Variants in NLGN4X observed in about 807,000 individuals in gnomAD.
NLGN4X encodes neuroligin-4, X-linked.
A neutral mutation model predicts 40.3 loss-of-function variants in NLGN4X; 3 were observed. That is an observed-to-expected ratio of 0.07 (90% CI 0.03 to 0.19). NLGN4X has a LOEUF of 0.19. NLGN4X is among the 10% of genes least tolerant of loss of function. The pLI is 1.00. For synonymous variants in NLGN4X, 270 were observed against 306.8 expected, an observed-to-expected ratio of 0.88 and a Z score of 1.25; for missense variants, 382 against 708.3, an observed-to-expected ratio of 0.54 and a Z score of 5.23.
At chrX:6,218,924 A>T (rs1352058099) in intron 1 of NLGN4X, among the ~76,000 whole-genome samples, 1 of 111,421 alleles carries the variant, frequency 9.0e-6, no homozygotes, top group Non-Finnish European at 1.9e-5. Context: ...GAGGCAAATG[A>T]TATATGGTTT....
Position 5,890,277 on chromosome X carries a change from T to C in NLGN4X, c.*2540A>G. ...CATTTTTTTTCTTTTTTCTCTTTTT[T>C]ATAGATAGCAAGTATATTTTTTCTC... On this transcript the variant is annotated 3_prime_UTR_variant, in exon 6 of 6. Coordinates refer to ENST00000381095, the MANE Select transcript of NLGN4X (RefSeq NM_181332.3). 1 of 172,596 alleles carries C rather than the reference T, an allele frequency of 5.8e-6. No homozygotes were observed. Among genetic ancestry groups the C allele is most frequent in the Non-Finnish European group, 1.1e-5 (1 of 93,325 alleles). 14.2% of individuals were successfully genotyped at this position (172,596 alleles called of 1,213,427 possible).
chrX:6,063,139 C>G (rs2037813595), intron 2 of NLGN4X, among the ~76,000 whole-genome samples: 1 of 111,504 alleles, frequency 9.0e-6, no homozygotes, highest in African/African-American at 3.3e-5. Flanking sequence ...TCCACTTATC[C>G]TCTTCTAGTT....
chrX:6,029,054 T>C (rs776480349), intron 3 of NLGN4X, among the ~76,000 whole-genome samples: 4 of 112,655 alleles, frequency 3.6e-5, no homozygotes, highest in African/African-American at 1.3e-4. Context: ...TTTCATTTCA[T>C]CTTTAAGATC....
intron 3 of NLGN4X, among the ~76,000 whole-genome samples, chrX:6,015,847 T>G (rs2036382563): frequency 1.8e-5 from 2 of 111,925 alleles, no homozygotes; most frequent in Admixed American, 1.9e-4. Context: ...TGGACAAGCC[T>G]GCTTAAACAT....
chrX:5,913,169 C>T (rs2032595860), intron 3 of NLGN4X, among the ~76,000 whole-genome samples: 1 of 111,358 alleles, frequency 9.0e-6, no homozygotes, highest in South Asian at 3.8e-4. Context: ...TTAAAAAATT[C>T]TAATGGTGTG....
intron 3 of NLGN4X, among the ~76,000 whole-genome samples, chrX:5,926,301 A>G (rs1281399802): frequency 9.1e-6 from 1 of 110,198 alleles, no homozygotes; most frequent in African/African-American, 3.3e-5. Flanking sequence ...TCTTTCCTTA[A>G]TAAATTACCT....
At chrX:6,096,113 A>G (rs1004894523) in intron 2 of NLGN4X, among the ~76,000 whole-genome samples, 2 of 111,747 alleles carry the variant, frequency 1.8e-5, no homozygotes, top group African/African-American at 6.6e-5. Context: ...TGAAGAAGTT[A>G]TGTTTCAGAG....
chrX:5,900,010 TG>T (rs1350852875), intron 5 of NLGN4X, among the ~76,000 whole-genome samples: 1 of 112,331 alleles, frequency 8.9e-6, no homozygotes, highest in African/African-American at 3.2e-5. Flanking sequence ...ATAGCCATGT[TG>T]GGAAACTCTC....
In NLGN4X at chrX:6,049,466, T is replaced by C. The variant is rs187170422; in HGVS notation, c.473-20034A>G. On this transcript the variant is annotated intron_variant, in intron 2 of 5. Coordinates refer to ENST00000381095, the MANE Select transcript of NLGN4X (RefSeq NM_181332.3). The stretch of plus-strand genomic sequence containing the variant: ...TGTTAAAATAAACCACATATTTCTT[T>C]AGCCTCCACATAGGTTAGCTACTTT... Among the ~76,000 whole-genome samples, 133 of 108,827 alleles carry C rather than the reference T, an allele frequency of 1.2e-3. 2 individuals are homozygous for C. Among genetic ancestry groups the C allele is most frequent in the African/African-American group, 4.4e-3 (131 of 30,050 alleles). The allele number at this position is 108,827 out of a possible 115,157, so 94.5% of individuals were successfully genotyped here.
intron 2 of NLGN4X, among the ~76,000 whole-genome samples, chrX:6,109,682 A>G (rs1246566721): frequency 2.7e-5 from 3 of 112,178 alleles, no homozygotes; most frequent in South Asian, 7.4e-4. Flanking sequence ...TAGCTGCAGA[A>G]GTCAGACATG....
chrX:6,100,852 T>C (rs972943807), intron 2 of NLGN4X, among the ~76,000 whole-genome samples: 6 of 111,536 alleles, frequency 5.4e-5, no homozygotes, highest in African/African-American at 2.0e-4. Flanking sequence ...GATAAATATA[T>C]ATACGATAAA....
rs181451147 is a variant in NLGN4X, at chrX:6,208,265, G to A, written c.-306+20276C>T. Among the ~76,000 whole-genome samples, 291 of 112,090 alleles carry A rather than the reference G, an allele frequency of 2.6e-3. 1 individual carries two copies. Among genetic ancestry groups the A allele is most frequent in the Non-Finnish European group, 4.7e-3 (250 of 53,185 alleles). ...TGGAACATGATTTTGCCCAATTTTAGATAAGCTAGCTGCATTTCGTTCTGC... is the reference window on the plus strand; with the variant it reads ...TGGAACATGATTTTGCCCAATTTTAAATAAGCTAGCTGCATTTCGTTCTGC... On this transcript the variant is annotated intron_variant, in intron 1 of 5. Transcript: ENST00000381095.
At chrX:6,144,595 C>T (rs770001638) in intron 2 of NLGN4X, among the ~76,000 whole-genome samples, 22 of 111,502 alleles carry the variant, frequency 2.0e-4, no homozygotes, top group African/African-American at 7.2e-4. Context: ...CTTCTAGAGA[C>T]TGCCACCTGC....
At chrX:5,944,912 G>A (rs943211092) in intron 3 of NLGN4X, among the ~76,000 whole-genome samples, 7 of 111,348 alleles carry the variant, frequency 6.3e-5, no homozygotes, top group Non-Finnish European at 1.1e-4. Flanking sequence ...ATGCTTTGTC[G>A]TGTAAACTAT....
chrX:5,941,180 GGTGT>G (rs3220455), intron 3 of NLGN4X, among the ~76,000 whole-genome samples: 1,299 of 58,574 alleles, frequency 0.022, 51 homozygotes, highest in East Asian at 0.03. Flanking sequence ...TATGCTAGGG[GGTGT>G]GTGTGTGTGT....
At chrX:6,041,478 C>G (rs2037154649) in intron 2 of NLGN4X, among the ~76,000 whole-genome samples, 1 of 111,761 alleles carries the variant, frequency 8.9e-6, no homozygotes, top group Non-Finnish European at 1.9e-5. Flanking sequence ...TCTGCAAAGC[C>G]CATATGCTCC....
intron 1 of NLGN4X, among the ~76,000 whole-genome samples, chrX:6,192,354 C>T (rs756484892): frequency 9.0e-6 from 1 of 111,336 alleles, no homozygotes; most frequent in Non-Finnish European, 1.9e-5. Context: ...TCTCGAACTC[C>T]TGAACCCAAG....
In NLGN4X at chrX:6,042,189, G is replaced by C. The variant is rs1256888607; in HGVS notation, c.473-12757C>G. 6.3e-5 allele frequency among the ~76,000 whole-genome samples: 7 copies of C among 111,759 alleles called. No homozygotes were observed. In the Admixed American group the frequency reaches 6.7e-4, roughly 11 times the overall value. On this transcript the variant is annotated intron_variant, in intron 2 of 5. Coordinates refer to ENST00000381095, the MANE Select transcript of NLGN4X (RefSeq NM_181332.3). ...TGTTTTTCTCTTAGTAGCTTTGGAAGACAGACTGAGAGAAAAAGGTGAATA... is the reference window on the plus strand; with the variant it reads ...TGTTTTTCTCTTAGTAGCTTTGGAACACAGACTGAGAGAAAAAGGTGAATA...
chrX:5,978,297 TTTCTTTCTTTCTTTC>T, intron 3 of NLGN4X, among the ~76,000 whole-genome samples: 1 of 72,688 alleles, frequency 1.4e-5, no homozygotes, highest in East Asian at 4.5e-4. Context: ...TCTTTCTTTC[TTTCTTTCTTTCTTTC>T]TTTCTTTCTT....
Sources: allele counts gnomAD v4.1 joint callset (sites outside exome capture counted in the v4.1 genomes callset), GRCh38; gene constraint gnomAD v4.1.1; transcripts MANE v1.5; gene names NCBI Gene and HGNC (gene_info 2026-07-23, HGNC 2026-07-21).